Variants in IMMT observed in about 807,000 individuals in gnomAD.
IMMT encodes the protein MICOS complex subunit MIC60.
Under a neutral mutation model 92.7 loss-of-function variants are expected in IMMT, and 40 were observed. The observed-to-expected ratio is 0.43, with a 90% CI of 0.34 to 0.56. The LOEUF (loss-of-function observed/expected upper bound fraction) is 0.56. Among genes scored for constraint, IMMT ranks in the 20% least tolerant of loss-of-function variants. The pLI is 0.03. For missense variants in IMMT, 831 were observed against 912.1 expected, an observed-to-expected ratio of 0.91 and a Z score of 1.14; for synonymous variants, 322 against 336.1, an observed-to-expected ratio of 0.96 and a Z score of 0.46.
intron 1 of IMMT, chr2:86,193,018 C>G (rs1291744978): frequency 6.5e-6 from 1 of 153,660 alleles, no homozygotes; most frequent in Non-Finnish European, 1.5e-5. Flanking sequence ...TTTTAAAAAG[C>G]CTTTTACTAA....
At chr2:86,172,569 G>A (rs948050267) in intron 4 of IMMT, among the ~76,000 whole-genome samples, 1 of 152,160 alleles carries the variant, frequency 6.6e-6, no homozygotes, top group African/African-American at 2.4e-5. Flanking sequence ...CTGGGCTTAG[G>A]TGATCCTCCC....
chr2:86,158,521 T>C, intron 10 of IMMT, 71 bp downstream of exon 10: 1 of 1,325,478 alleles, frequency 7.5e-7, no homozygotes, highest in Middle Eastern at 2.6e-4. Context: ...ACAATGGAGA[T>C]GAAGCAAGTT....
intron 6 of IMMT, among the ~76,000 whole-genome samples, chr2:86,167,445 T>A (rs558646813): frequency 2.3e-4 from 35 of 151,248 alleles, no homozygotes; most frequent in African/African-American, 8.2e-4. Context: ...AGTGCTGGGA[T>A]TACAGGCGTG....
rs1282242006 is a variant in IMMT at position 86,162,096 on chromosome 2, A to T, written c.793-17T>A. 1.2e-5 allele frequency: 17 copies of T among 1,462,658 alleles called. No individual in the cohort carries two copies. The highest frequency in any genetic ancestry group is 3.7e-6 in the Non-Finnish European group (4 of 1,078,990). 90.6% of individuals were successfully genotyped at this position (1,462,658 alleles called of 1,614,324 possible). A position where few individuals can be genotyped will look rare whatever the true frequency, so the allele number is the denominator to read the frequency against. On this transcript the variant is annotated splice_polypyrimidine_tract_variant and intron_variant, in intron 7 of 14. Transcript: ENST00000410111. ...GCCTGCAATCTAAACAAAAAATTTT[A>T]ATTATATAATAAATAACTGCTATTA... is the stretch of plus-strand genomic sequence containing the variant.
chr2:86,175,684 T>A (rs1450596316), intron 3 of IMMT, among the ~76,000 whole-genome samples: 1 of 150,858 alleles, frequency 6.6e-6, no homozygotes, highest in Non-Finnish European at 1.5e-5. Context: ...CAGCAACAAG[T>A]TGACACGATG....
chr2:86,153,430 C>A (rs1675626664), intron 11 of IMMT, 130 bp downstream of exon 11: 1 of 500,088 alleles, frequency 2.0e-6, no homozygotes, highest in Non-Finnish European at 3.5e-6. Flanking sequence ...TCAGATTTAT[C>A]ATGTGACATA....
chr2:86,164,785 G>A (rs1676558485), intron 7 of IMMT, among the ~76,000 whole-genome samples: 1 of 151,976 alleles, frequency 6.6e-6, no homozygotes, highest in African/African-American at 2.4e-5. Flanking sequence ...ATATCTGGGG[G>A]CCAAAATTTA....
intron 12 of IMMT, among the ~76,000 whole-genome samples, chr2:86,149,503 CAGAA>C (rs1675301820): frequency 6.6e-6 from 1 of 152,110 alleles, no homozygotes; most frequent in African/African-American, 2.4e-5. Context: ...TAAATAGACA[CAGAA>C]AGAAGGGTAT....
At chr2:86,150,274 G>A (rs1401862358) in intron 12 of IMMT, among the ~76,000 whole-genome samples, 3 of 152,190 alleles carry the variant, frequency 2.0e-5, no homozygotes, top group Non-Finnish European at 4.4e-5. Context: ...CATTTATCAG[G>A]TATAGATGGT....
intron 6 of IMMT, among the ~76,000 whole-genome samples, chr2:86,167,085 G>T (rs542190375): frequency 6.9e-6 from 1 of 145,236 alleles, no homozygotes; most frequent in East Asian, 2.0e-4. Context: ...GCGACAGAGC[G>T]AGACTCTCTC....
Position 86,170,801 on chromosome 2 carries a change from T to C in IMMT, c.603A>G (p.Glu201=). 1 of 1,591,154 alleles carries C rather than the reference T, an allele frequency of 6.3e-7. No homozygotes were observed. Among genetic ancestry groups the C allele is most frequent in the Non-Finnish European group, 8.6e-7 (1 of 1,167,242 alleles). Reference sequence around the variant, plus strand: ...CCTGTTGTGCAAGGCGAGCTGCAACTTCTTCAGGTGGTCGCTCCCTTATAG... The same window carrying C: ...CCTGTTGTGCAAGGCGAGCTGCAACCTCTTCAGGTGGTCGCTCCCTTATAG... ...SSSIRERPPE[E]VAARLAQQEK... The change falls in exon 6 of 15, where the codon GAA becomes GAG. Residue 201 remains glutamate, a synonymous_variant. Transcript: ENST00000410111.
intron 1 of IMMT, among the ~76,000 whole-genome samples, chr2:86,182,110 T>G (rs1232132216): frequency 1.3e-5 from 2 of 152,204 alleles, no homozygotes; most frequent in Non-Finnish European, 2.9e-5. Flanking sequence ...AATAAATATG[T>G]GGATCTCCTA....
chr2:86,170,103 A>C (rs1205540601), intron 6 of IMMT, among the ~76,000 whole-genome samples: 1 of 151,480 alleles, frequency 6.6e-6, no homozygotes, highest in Non-Finnish European at 1.5e-5. Context: ...TACAAGTATA[A>C]ATTAACAATT....
chr2:86,179,744 T>C (rs1677698156), intron 2 of IMMT, 122 bp from the exon 3 acceptor site: 3 of 693,112 alleles, frequency 4.3e-6, no homozygotes, highest in Admixed American at 3.6e-5. Flanking sequence ...ATTCAGATCA[T>C]AGCAGCCAAG....
chr2:86,168,892 T>C (rs1676904272), intron 6 of IMMT, among the ~76,000 whole-genome samples: 1 of 152,192 alleles, frequency 6.6e-6, no homozygotes, highest in African/African-American at 2.4e-5. Flanking sequence ...CCGTGGTATT[T>C]GGATCCCATG....
At chr2:86,190,852 A>G (rs6747474) in intron 1 of IMMT, among the ~76,000 whole-genome samples, 69,465 of 151,950 alleles carry the variant, frequency 0.46, 16,459 homozygotes, top group Non-Finnish European at 0.51. Context: ...AGCTGGGCAC[A>G]GTGGCACGTG....
Position 86,195,390 on chromosome 2 carries a change from A to T in IMMT, c.-8T>A. On this transcript the variant is annotated 5_prime_UTR_variant, in exon 1 of 15. Transcript: ENST00000410111. ...CTGACAGGCCCGCAGCATCTCGGTC[A>T]AGCGGACGGCGCTGCTGGTGGACTC... 1.3e-6 allele frequency: 2 copies of T among 1,548,268 alleles called. No individual in the cohort carries two copies. The highest frequency in any genetic ancestry group is 1.2e-5 in the South Asian group (1 of 83,624).
intron 4 of IMMT, 129 bp downstream of exon 4, chr2:86,173,521 G>C (rs1021090386): frequency 1.6e-6 from 1 of 616,230 alleles, no homozygotes; most frequent in Non-Finnish European, 2.9e-6. Context: ...TGGAGGCTGC[G>C]GTGAGCCGAG....
At position 86,161,671 on chromosome 2, in the gene IMMT, G is replaced by A. The variant is rs895835669; in HGVS notation, c.896+305C>T. Among the ~76,000 whole-genome samples, 11 of 151,290 alleles carry A rather than the reference G, an allele frequency of 7.3e-5. No homozygotes were observed. The East Asian group carries it at 1.2e-3, about 16-fold the overall frequency. ...TGGGACTACAGGCGCCCGCCACCAC[G>A]CCCAGCTAATTTTTTTGCATTTTTA... On this transcript the variant is annotated intron_variant, in intron 8 of 14. Transcript: ENST00000410111.
Sources: allele counts gnomAD v4.1 joint callset (sites outside exome capture counted in the v4.1 genomes callset), GRCh38; gene constraint gnomAD v4.1.1; transcripts MANE v1.5; gene names NCBI Gene and HGNC (gene_info 2026-07-23, HGNC 2026-07-21).